Variants in ARID1B observed in about 807,000 individuals in gnomAD.
The protein encoded by ARID1B is AT-rich interaction domain 1B.
A neutral mutation model predicts 212.3 loss-of-function variants in ARID1B; 30 were observed. The observed-to-expected ratio is 0.14, with a 90% CI of 0.11 to 0.19. The LOEUF (loss-of-function observed/expected upper bound fraction) is 0.19. Among genes scored for constraint, ARID1B ranks in the 10% least tolerant of loss-of-function variants. The probability of loss-of-function intolerance (pLI) is 1.00; values close to 1 mark genes in which losing one functional copy is unlikely to be tolerated. For missense variants in ARID1B, 2,891 were observed against 3,204.0 expected (o/e 0.90, Z 2.36); for synonymous variants, 1,402 against 1,301.7 (o/e 1.08, Z -1.66).
chr6:156,813,039 T>C (rs1295369099), intron 1 of ARID1B, among the ~76,000 whole-genome samples: 1 of 148,666 alleles, frequency 6.7e-6, no homozygotes. Flanking sequence ...TACATATATA[T>C]ATACACATAC....
intron 3 of ARID1B, among the ~76,000 whole-genome samples, chr6:156,913,142 A>G (rs1790038018): frequency 6.6e-6 from 1 of 151,696 alleles, no homozygotes; most frequent in African/African-American, 2.4e-5. Context: ...CTAGCTAATT[A>G]ACATATACAT....
chr6:157,131,281 C>CTAA (rs1419956538), intron 6 of ARID1B, among the ~76,000 whole-genome samples: 2 of 152,082 alleles, frequency 1.3e-5, no homozygotes, highest in African/African-American at 4.8e-5. Context: ...CCTCATGGAG[C>CTAA]TAATGTTTTA....
At chr6:156,892,698 A>G (rs1317381802) in intron 2 of ARID1B, among the ~76,000 whole-genome samples, 1 of 152,170 alleles carries the variant, frequency 6.6e-6, no homozygotes, top group South Asian at 2.1e-4. Context: ...CAGGCCCCAT[A>G]TCCCACAATC....
chr6:157,039,830 CTCTT>C lies in ARID1B; in HGVS notation c.2248-44824_2248-44821del, dbSNP rs1169840199. Among the ~76,000 whole-genome samples the C allele has an allele frequency of 2.7e-4, 28 of 102,520 alleles. No homozygotes were observed. The East Asian group carries it at 7.0e-3, about 26-fold the overall frequency. 67.3% of individuals were successfully genotyped at this position (102,520 alleles called of 152,430 possible). On this transcript the variant is annotated intron_variant, in intron 4 of 19. Coordinates refer to ENST00000636930, the MANE Select transcript of ARID1B (RefSeq NM_001374828.1). ...TCTTTCTTTCTTTTTCTCTCTTTCT[CTCTT>C]TCTTTCTCTCTCTTTCTCTCTCTTT... is the stretch of plus-strand genomic sequence containing the variant.
chr6:157,043,189 C>G (rs1423769724), intron 4 of ARID1B, among the ~76,000 whole-genome samples: 1 of 152,142 alleles, frequency 6.6e-6, no homozygotes, highest in Non-Finnish European at 1.5e-5. Flanking sequence ...TAACAGAGTC[C>G]CTTAAATATC....
chr6:157,039,692 TCC>T (rs376357910), intron 4 of ARID1B, among the ~76,000 whole-genome samples: 968 of 81,948 alleles, frequency 0.012, 41 homozygotes, highest in Non-Finnish European at 0.021. Flanking sequence ...CTTCCTTCCT[TCC>T]TTCTTTCTTT....
At chr6:157,013,378 C>T (rs1461938986) in intron 4 of ARID1B, among the ~76,000 whole-genome samples, 1 of 152,160 alleles carries the variant, frequency 6.6e-6, no homozygotes, top group Non-Finnish European at 1.5e-5. Flanking sequence ...GGACTTAGTA[C>T]CATTCATGTG....
intron 4 of ARID1B, among the ~76,000 whole-genome samples, chr6:157,025,326 A>G (rs576143315): frequency 2.6e-5 from 4 of 152,382 alleles, no homozygotes; most frequent in South Asian, 2.1e-4. Flanking sequence ...TTTGGACAAG[A>G]TGAAAGTTTT....
At chr6:157,161,745 G>A (rs1790958945) in intron 8 of ARID1B, among the ~76,000 whole-genome samples, 1 of 152,160 alleles carries the variant, frequency 6.6e-6, no homozygotes, top group African/African-American at 2.4e-5. Context: ...AAGGTTTTGA[G>A]TACTGGTTCT....
chr6:157,189,693 A>G lies in ARID1B; in HGVS notation c.3971A>G (p.Asn1324Ser). 6.2e-7 allele frequency: 1 copy of G among 1,613,896 alleles called. No homozygotes were observed. Among genetic ancestry groups the G allele is most frequent in the Non-Finnish European group, 8.5e-7 (1 of 1,179,994 alleles). The change falls in exon 14 of 20, where the codon AAT (asparagine) becomes AGT (serine). Residue 1324 changes from asparagine (N) to serine (S), a missense_variant. Asn to Ser is a conservative substitution (Grantham distance 46, BLOSUM62 1). Around this residue, in one of 7 missense-constraint regions of ARID1B, gnomAD observed 666 missense variants for 873.5 expected, o/e 0.76. Transcript: ENST00000636930. ...GPQTPQSTGS[N>S]SMAEVPGDLK... ...CAGACCCCCCAGTCAACTGGCAGCA[A>G]TTCCATGGCAGAGGTTCCAGGTGAC...
chr6:157,116,253 T>C lies in ARID1B; in HGVS notation c.2581+5692T>C, dbSNP rs1583333257. Among the ~76,000 whole-genome samples the C allele has an allele frequency of 2.0e-5, 3 of 152,226 alleles. No homozygotes were observed. The East Asian group carries it at 5.8e-4, about 29-fold the overall frequency. On this transcript the variant is annotated intron_variant, in intron 6 of 19. Transcript: ENST00000636930. ...AGCTTAATGAAACTAACAAATGCCC[T>C]TCTAGTTTATTGGATTAGCAATTAG...
chr6:157,084,351 G>A (rs1350267683), intron 4 of ARID1B, among the ~76,000 whole-genome samples: 1 of 152,168 alleles, frequency 6.6e-6, no homozygotes. Flanking sequence ...AGTGCTGTCT[G>A]TGTTGTGTGG....
chr6:156,892,897 T>C (rs1293574479), intron 2 of ARID1B, among the ~76,000 whole-genome samples: 2 of 152,118 alleles, frequency 1.3e-5, no homozygotes, highest in Non-Finnish European at 2.9e-5. Context: ...GAAAATTGTA[T>C]AGAATAAAAA....
At chr6:156,976,566 A>G (rs1777262886) in intron 4 of ARID1B, among the ~76,000 whole-genome samples, 1 of 151,508 alleles carries the variant, frequency 6.6e-6, no homozygotes, top group Admixed American at 6.6e-5. Context: ...GACAAAAAGA[A>G]AGAAAGGGGA....
At chr6:157,163,431 G>A (rs1490992941) in intron 8 of ARID1B, among the ~76,000 whole-genome samples, 1 of 152,216 alleles carries the variant, frequency 6.6e-6, no homozygotes, top group African/African-American at 2.4e-5. Flanking sequence ...GGCGTGCAGT[G>A]CGAGCCTTCT....
At chr6:156,795,756 TC>T (rs1780324281) in intron 1 of ARID1B, among the ~76,000 whole-genome samples, 1 of 152,118 alleles carries the variant, frequency 6.6e-6, no homozygotes. Context: ...TCTGCGCCCT[TC>T]CTTCTCTTCC....
At chr6:156,940,413 G>C (rs1582993872) in intron 4 of ARID1B, 1 of 152,330 alleles carries the variant, frequency 6.6e-6, no homozygotes, top group South Asian at 2.1e-4. Context: ...TGTTGAGTTT[G>C]CAATTAGACG....
chr6:156,829,418 G>T lies in ARID1B; in HGVS notation c.1983G>T (p.Gln661His), dbSNP rs965249692. The T allele has an allele frequency of 6.2e-7, 1 of 1,613,198 alleles. No homozygotes were observed. Among genetic ancestry groups the T allele is most frequent in the Non-Finnish European group, 8.5e-7 (1 of 1,179,478 alleles). Residue 661 changes from glutamine to histidine, a missense_variant, in exon 2 of 20, where the codon CAG (glutamine) becomes CAT (histidine). By Grantham distance (24) the Gln-to-His change is conservative. Coordinates refer to ENST00000636930, the MANE Select transcript of ARID1B (RefSeq NM_001374828.1). ...TGGCCGGAATGCAGTACCCTCAGCA[G>T]CAGGTTTGTGCTGGTCCCCCGACCC... ...GAMAGMQYPQ[Q>H]QMPPQYGQQG... is the part of the protein sequence containing the mutation.
chr6:157,156,442 T>G (rs1440058524), intron 8 of ARID1B, among the ~76,000 whole-genome samples: 1 of 152,242 alleles, frequency 6.6e-6, no homozygotes, highest in Non-Finnish European at 1.5e-5. Context: ...TGATTTCAAT[T>G]AAAACTTTTA....
Sources: gnomAD v4.1 joint callset for allele counts (sites outside exome capture counted in the v4.1 genomes callset) on GRCh38, gnomAD v4.1.1 for gene constraint, gnomAD v4.1.1 regional missense constraint, MANE v1.5 for transcripts, NCBI Gene and HGNC (gene_info 2026-07-23, HGNC 2026-07-21) for gene names.